The following CTNNA2 variants were observed in gnomAD, a reference collection of about 807,000 sequenced individuals.
CTNNA2 encodes catenin alpha-2.
A neutral mutation model predicts 101.0 loss-of-function variants in CTNNA2; 42 were observed. The observed-to-expected ratio is 0.42, with a 90% confidence interval of 0.32 to 0.54. CTNNA2 has a LOEUF of 0.54. CTNNA2 is among the 20% of genes least tolerant of loss of function. The probability of loss-of-function intolerance (pLI) is 0.14; values close to 1 mark genes in which losing one functional copy is unlikely to be tolerated. For synonymous variants in CTNNA2, 450 were observed against 456.4 expected (o/e 0.99, Z 0.18); for missense variants, 871 against 1,223.1 (o/e 0.71, Z 4.29).
At chr2:79,704,783 C>G (rs1685246149) in intron 2 of CTNNA2, among the ~76,000 whole-genome samples, 1 of 152,000 alleles carries the variant, frequency 6.6e-6, no homozygotes, top group African/African-American at 2.4e-5. Context: ...AAAGTGTTCA[C>G]TTGTGCTTCT....
At chr2:79,203,599 G>C (rs964992066) in intron 2 of CTNNA2, among the ~76,000 whole-genome samples, 10 of 152,178 alleles carry the variant, frequency 6.6e-5, no homozygotes, top group African/African-American at 2.4e-4. Flanking sequence ...CTGCCCAGAA[G>C]CATGTATGAT....
intron 2 of CTNNA2, among the ~76,000 whole-genome samples, chr2:79,225,627 C>T (rs1040360362): frequency 6.6e-6 from 1 of 152,090 alleles, no homozygotes; most frequent in Non-Finnish European, 1.5e-5. Flanking sequence ...TGAAGTTGAT[C>T]ATTACCAAAA....
chr2:80,466,795 A>G (rs988567034), intron 9 of CTNNA2, among the ~76,000 whole-genome samples: 1 of 152,216 alleles, frequency 6.6e-6, no homozygotes, highest in Non-Finnish European at 1.5e-5. Flanking sequence ...TTCAATGAAA[A>G]TAAGATTATA....
At chr2:79,372,192 CA>C (rs1457824420) in intron 3 of CTNNA2, among the ~76,000 whole-genome samples, 2 of 152,118 alleles carry the variant, frequency 1.3e-5, no homozygotes, top group Non-Finnish European at 2.9e-5. Context: ...CATCTGGTGG[CA>C]GGCAGGGAGC....
In CTNNA2 at chr2:79,874,219, G is replaced by C; in HGVS notation, c.729G>C (p.Val243=). The change falls in exon 6 of 19, where the codon GTG becomes GTC. Residue 243 remains valine (V), a synonymous_variant. Transcript: ENST00000402739. ...VAATRANRDY[V]FKQVQEAIAG... ...CTACGAGAGCCAACCGAGATTATGT[G>C]TTCAAACAAGTCCAGGAGGCCATCG... 1 of 1,614,126 alleles carries C rather than the reference G, an allele frequency of 6.2e-7. No individual in the cohort carries two copies. Among genetic ancestry groups the C allele is most frequent in the African/African-American group, 1.3e-5 (1 of 75,028 alleles).
chr2:79,706,717 A>G (rs553143717), intron 2 of CTNNA2, among the ~76,000 whole-genome samples: 9 of 152,288 alleles, frequency 5.9e-5, no homozygotes, highest in African/African-American at 2.2e-4. Context: ...ACTTGAAAGT[A>G]TAAGAAAATC....
intron 1 of CTNNA2, among the ~76,000 whole-genome samples, chr2:79,606,168 A>C (rs577218180): frequency 6.6e-6 from 1 of 152,322 alleles, no homozygotes; most frequent in East Asian, 1.9e-4. Flanking sequence ...ATTAGATTGA[A>C]ATATGCATCA....
intron 11 of CTNNA2, among the ~76,000 whole-genome samples, chr2:80,551,441 G>GC (rs1366993261): frequency 6.6e-6 from 1 of 152,204 alleles, no homozygotes; most frequent in East Asian, 1.9e-4. Context: ...CCAGTAGAAG[G>GC]CTGTCTTGTC....
intron 3 of CTNNA2, among the ~76,000 whole-genome samples, chr2:79,803,513 C>T (rs1003297001): frequency 6.6e-6 from 1 of 152,264 alleles, no homozygotes; most frequent in Non-Finnish European, 1.5e-5. Flanking sequence ...GGGACACGCT[C>T]TTAAGGCACA....
intron 4 of CTNNA2, among the ~76,000 whole-genome samples, chr2:79,454,932 A>G (rs621074): frequency 0.4 from 61,481 of 151,978 alleles, 12,581 homozygotes; most frequent in South Asian, 0.49. Flanking sequence ...TATAAATCTT[A>G]ACTACAAGAC....
At chr2:80,642,838 A>G (rs1673639004) in intron 18 of CTNNA2, among the ~76,000 whole-genome samples, 1 of 152,186 alleles carries the variant, frequency 6.6e-6, no homozygotes, top group South Asian at 2.1e-4. Context: ...TGGAAGAATC[A>G]CAATTCAGAT....
chr2:79,914,587 A>G (rs892711422), intron 7 of CTNNA2, among the ~76,000 whole-genome samples: 12 of 151,874 alleles, frequency 7.9e-5, no homozygotes, highest in Non-Finnish European at 1.5e-4. Flanking sequence ...TGTAGCTCGA[A>G]TTTTTTTTAA....
intron 7 of CTNNA2, among the ~76,000 whole-genome samples, chr2:80,228,975 T>A (rs1468537137): frequency 6.6e-6 from 1 of 152,224 alleles, no homozygotes; most frequent in Non-Finnish European, 1.5e-5. Context: ...CAGCCCTATT[T>A]TCTAAGAGTA....
chr2:80,133,805 T>C (rs1702545759), intron 7 of CTNNA2, among the ~76,000 whole-genome samples: 1 of 152,042 alleles, frequency 6.6e-6, no homozygotes, highest in South Asian at 2.1e-4. Flanking sequence ...TTTAAAGCCT[T>C]CAATACAAAT....
intron 7 of CTNNA2, among the ~76,000 whole-genome samples, chr2:80,210,042 A>T (rs1385844668): frequency 6.6e-6 from 1 of 152,148 alleles, no homozygotes; most frequent in East Asian, 1.9e-4. Context: ...TGTAAATACA[A>T]TTTTTTCGAT....
intron 1 of CTNNA2, among the ~76,000 whole-genome samples, chr2:79,616,450 A>G (rs1351201866): frequency 1.3e-5 from 2 of 152,182 alleles, no homozygotes; most frequent in Non-Finnish European, 2.9e-5. Context: ...TTGTTTATTC[A>G]CTTTTTAGTT....
chr2:79,374,499 T>C (rs1235432859), intron 4 of CTNNA2, among the ~76,000 whole-genome samples: 4 of 109,236 alleles, frequency 3.7e-5, no homozygotes, highest in Non-Finnish European at 7.2e-5. Flanking sequence ...GGAATAAGCA[T>C]CATTAGAGTA....
chr2:79,934,128 T>C (rs886433471), intron 7 of CTNNA2, among the ~76,000 whole-genome samples: 8 of 152,366 alleles, frequency 5.3e-5, no homozygotes, highest in African/African-American at 1.4e-4. Flanking sequence ...TAAAATTATA[T>C]GCCTATATGG....
At chr2:79,934,197 A>G (rs12620120) in intron 7 of CTNNA2, among the ~76,000 whole-genome samples, 18,386 of 152,234 alleles carry the variant, frequency 0.12, 1,221 homozygotes, top group East Asian at 0.21. Flanking sequence ...CATTTTAAAA[A>G]GAAATTCTAT....
Sources: gnomAD v4.1 joint callset for allele counts (sites outside exome capture counted in the v4.1 genomes callset) on GRCh38, gnomAD v4.1.1 for gene constraint, MANE v1.5 for transcripts, NCBI Gene and HGNC (gene_info 2026-07-23, HGNC 2026-07-21) for gene names.